APCDD1: variants seen among roughly 807,000 people sequenced by gnomAD.
APCDD1 encodes the protein APC down-regulated 1.
A neutral mutation model predicts 38.1 loss-of-function variants in APCDD1; 15 were observed. That is an observed-to-expected ratio of 0.39 (90% CI 0.26 to 0.61). The LOEUF (loss-of-function observed/expected upper bound fraction) is 0.61, where lower values mean the gene tolerates loss of function less well. APCDD1 is among the 20% of genes least tolerant of loss of function. The pLI, the probability that APCDD1 is intolerant of heterozygous loss-of-function variation, is 0.49. For missense variants in APCDD1, 647 were observed against 696.2 expected (o/e 0.93, Z 0.79); for synonymous variants, 261 against 279.7 (o/e 0.93, Z 0.67).
rs549103637 is a variant in APCDD1, at chr18:10,468,354, A to C, written c.59-115A>C. 4.4e-6 allele frequency: 5 copies of C among 1,128,610 alleles called. No homozygotes were observed. The South Asian group carries it at 6.2e-5, about 14-fold the overall frequency. The allele number at this position is 1,128,610 out of a possible 1,614,324, so 69.9% of individuals were successfully genotyped here. On this transcript the variant is annotated intron_variant, in intron 1 of 4. Transcript: ENST00000355285. ...CACGCACTGTGATGACACCTTGTAG[A>C]ATAAACAATCATTTCCCACCTTCAG...
At chr18:10,456,639 T>C (rs992061974) in intron 1 of APCDD1, among the ~76,000 whole-genome samples, 1 of 152,240 alleles carries the variant, frequency 6.6e-6, no homozygotes. Flanking sequence ...AAGGTAACTC[T>C]GAACATGTTC....
At chr18:10,468,289 A>G (rs1239121460) in intron 1 of APCDD1, among the ~76,000 whole-genome samples, 180 bp from the exon 2 acceptor site, 1 of 152,210 alleles carries the variant, frequency 6.6e-6, no homozygotes. Flanking sequence ...TTGATCTACA[A>G]TGACACTTGC....
At position 10,470,442 on chromosome 18, in the gene APCDD1, CT is replaced by C. The variant is rs2030824100; in HGVS notation, c.243-1087del. 6.6e-6 allele frequency among the ~76,000 whole-genome samples: 1 copy of C among 152,146 alleles called. No individual in the cohort carries two copies. The highest frequency in any genetic ancestry group is 6.5e-5 in the Admixed American group (1 of 15,280). ...CAAACGTTACATAGCAACGGTACCC[CT>C]GTCTAAATAATGCTTATCTTTCACC... On this transcript the variant is annotated intron_variant, in intron 2 of 4. Transcript: ENST00000355285. This position sits in a 1 kb window ranked among gnomAD's most constrained non-coding sequence, Gnocchi z 4.1.
At position 10,470,489 on chromosome 18, in the gene APCDD1, A is replaced by T. The variant is rs1256630976; in HGVS notation, c.243-1041A>T. On this transcript the variant is annotated intron_variant, in intron 2 of 4. Coordinates refer to ENST00000355285, the MANE Select transcript of APCDD1 (RefSeq NM_153000.5). This position sits in a 1 kb window ranked among gnomAD's most constrained non-coding sequence, Gnocchi z 4.1. ...TCACCAGTCCATCAATGAGCAAATT[A>T]AAATGTTAGCAATTTTGAAAACCAC... Among the ~76,000 whole-genome samples the T allele has an allele frequency of 6.6e-6, 1 of 152,252 alleles. No homozygotes were observed. Among genetic ancestry groups the T allele is most frequent in the Non-Finnish European group, 1.5e-5 (1 of 68,040 alleles).
At chr18:10,456,708 G>A (rs1156287466) in intron 1 of APCDD1, among the ~76,000 whole-genome samples, 4 of 152,134 alleles carry the variant, frequency 2.6e-5, no homozygotes. Flanking sequence ...TCCAAGCTGG[G>A]GTAGTAATGG....
Position 10,471,823 on chromosome 18 carries a change from G to T in APCDD1, c.536G>T (p.Gly179Val). 2.5e-6 allele frequency: 4 copies of T among 1,613,984 alleles called. No homozygotes were observed. The highest frequency in any genetic ancestry group is 1.1e-5 in the South Asian group (1 of 91,088). Residue 179 changes from glycine (G) to valine (V), a missense_variant, in exon 3 of 5, where the codon GGT becomes GTT. Physicochemically the swap from Gly to Val is moderately radical, Grantham distance 109. Coordinates refer to ENST00000355285, the MANE Select transcript of APCDD1 (RefSeq NM_153000.5). The surrounding 1 kb of genome is among the most constrained non-coding windows in gnomAD (Gnocchi z 5.5). ...TGCCCGGGCTTCCTCGCAGACGGGG[G>T]TCCCTGGGTGCAGGACGTGGCCTAT... Reference protein sequence around the residue: ...RTCPGFLADGGPWVQDVAYDL... With the variant: ...RTCPGFLADGVPWVQDVAYDL...
rs1187323670 is a variant in APCDD1, at chr18:10,475,131, T to C, written c.774+3070T>C. On this transcript the variant is annotated intron_variant, in intron 3 of 4. Transcript: ENST00000355285. This position sits in a 1 kb window ranked among gnomAD's most constrained non-coding sequence, Gnocchi z 4.0. ...CCTGAATGCAAAGCTCCATCTCTCT[T>C]AACCTAGAGTAAGTCGCCCTTCTGG... is the stretch of plus-strand genomic sequence containing the variant. Among the ~76,000 whole-genome samples the C allele has an allele frequency of 6.6e-6, 1 of 152,340 alleles. No individual in the cohort carries two copies. Among genetic ancestry groups the C allele is most frequent in the East Asian group, 1.9e-4 (1 of 5,178 alleles).
chr18:10,455,074 C>T (rs769004868), intron 1 of APCDD1, 35 bp downstream of exon 1: 3 of 1,549,928 alleles, frequency 1.9e-6, no homozygotes, highest in African/African-American at 1.4e-5. Flanking sequence ...CGCTCCCAGC[C>T]GGCGGAGGCA....
Position 10,471,854 on chromosome 18 carries a change from C to T in APCDD1, c.567C>T (p.Leu189=), listed in dbSNP as rs1437695142. The stretch of plus-strand genomic sequence containing the variant: ...GGGTGCAGGACGTGGCCTATGACCT[C>T]TGGCGAGAGGAGAACGGCTGTGAGT... ...GPWVQDVAYD[L]WREENGCECT... The change falls in exon 3 of 5, where the codon CTC becomes CTT. Residue 189 remains leucine (L), a synonymous_variant. Coordinates refer to ENST00000355285, the MANE Select transcript of APCDD1 (RefSeq NM_153000.5). The surrounding 1 kb of genome is among the most constrained non-coding windows in gnomAD (Gnocchi z 5.5). The T allele has an allele frequency of 1.2e-6, 2 of 1,614,216 alleles. No individual in the cohort carries two copies. The highest frequency in any genetic ancestry group is 1.7e-6 in the Non-Finnish European group (2 of 1,180,054).
rs540355594 is a variant in APCDD1, at chr18:10,475,321, T to C, written c.774+3260T>C. On this transcript the variant is annotated intron_variant, in intron 3 of 4. Coordinates refer to ENST00000355285, the MANE Select transcript of APCDD1 (RefSeq NM_153000.5). This position sits in a 1 kb window ranked among gnomAD's most constrained non-coding sequence, Gnocchi z 4.0. ...CCAGATTCTTAAGAAATAGACTCTT[T>C]AAATCCCAGGCCTGATTCCTTGATG... 1.3e-5 allele frequency among the ~76,000 whole-genome samples: 2 copies of C among 152,332 alleles called. No individual in the cohort carries two copies. Among genetic ancestry groups the C allele is most frequent in the African/African-American group, 4.8e-5 (2 of 41,582 alleles).
chr18:10,454,812 G>GC lies in APCDD1; in HGVS notation c.-166dup, dbSNP rs1211066431. The GC allele has an allele frequency of 4.1e-6, 4 of 984,146 alleles. No homozygotes were observed. The highest frequency in any genetic ancestry group is 4.8e-6 in the Non-Finnish European group (4 of 830,808). 61.0% of individuals were successfully genotyped at this position (984,146 alleles called of 1,614,324 possible). A position where few individuals can be genotyped will look rare whatever the true frequency, so the allele number is the denominator to read the frequency against. ...GCCCGACGGCGCCCAGAGAGCGCGC[G>GC]CCCCGCAGCCCCGCGCCTAGCCCGC... On this transcript the variant is annotated 5_prime_UTR_variant, in exon 1 of 5. Transcript: ENST00000355285.
Position 10,487,673 on chromosome 18 carries a change from G to A in APCDD1, c.1180G>A (p.Gly394Ser). ...CAACGGGAATGAGTGCGGGGCCGAG[G>A]GCTCCTGGCAGGTGGGCATCCAGCA... is the stretch of plus-strand genomic sequence containing the variant. ...VFNGNECGAE[G>S]SWQVGIQQDV... Residue 394 changes from glycine (G) to serine (S), a missense_variant, in exon 5 of 5, where the codon GGC becomes AGC. Coordinates refer to ENST00000355285, the MANE Select transcript of APCDD1 (RefSeq NM_153000.5). 1 of 1,614,166 alleles carries A rather than the reference G, an allele frequency of 6.2e-7. No homozygotes were observed. Among genetic ancestry groups the A allele is most frequent in the Non-Finnish European group, 8.5e-7 (1 of 1,180,044 alleles).
At chr18:10,465,480 G>A (rs901675411) in intron 1 of APCDD1, among the ~76,000 whole-genome samples, 1 of 152,224 alleles carries the variant, frequency 6.6e-6, no homozygotes, top group Non-Finnish European at 1.5e-5. Context: ...TTCTAATAGA[G>A]CAGTGGAGTG....
At chr18:10,468,810 T>C (rs1182512716) in intron 2 of APCDD1, among the ~76,000 whole-genome samples, 158 bp downstream of exon 2, 1 of 152,246 alleles carries the variant, frequency 6.6e-6, no homozygotes, top group Non-Finnish European at 1.5e-5. Context: ...GAAATTATGG[T>C]TGGTTAAGAA....
At chr18:10,478,871 A>G (rs1288504219) in intron 3 of APCDD1, among the ~76,000 whole-genome samples, 1 of 152,166 alleles carries the variant, frequency 6.6e-6, no homozygotes, top group African/African-American at 2.4e-5. Context: ...AAGCTCCTAG[A>G]ATCCCAGATA....
intron 1 of APCDD1, among the ~76,000 whole-genome samples, chr18:10,464,939 T>C (rs1332236665): frequency 6.6e-6 from 1 of 152,192 alleles, no homozygotes; most frequent in African/African-American, 2.4e-5. Context: ...GGGGACTTTT[T>C]GAGGGTGGTC....
Position 10,487,692 on chromosome 18 carries a change from T to C in APCDD1, c.1199T>C (p.Ile400Thr), listed in dbSNP as rs1241194560. 6.2e-7 allele frequency: 1 copy of C among 1,614,062 alleles called. No homozygotes were observed. The highest frequency in any genetic ancestry group is 1.3e-5 in the African/African-American group (1 of 74,934). Residue 400 changes from isoleucine (I) to threonine (T), a missense_variant, in exon 5 of 5, where the codon ATC (isoleucine) becomes ACC (threonine). Physicochemically the swap from Ile to Thr is moderately conservative, Grantham distance 89. Coordinates refer to ENST00000355285, the MANE Select transcript of APCDD1 (RefSeq NM_153000.5). ...GCCGAGGGCTCCTGGCAGGTGGGCA[T>C]CCAGCAGGATGTGACCCACACCAAT... The part of the protein sequence containing the change: ...CGAEGSWQVG[I>T]QQDVTHTNGC...
intron 3 of APCDD1, among the ~76,000 whole-genome samples, chr18:10,483,423 C>CT (rs1308124928): frequency 6.6e-6 from 1 of 152,238 alleles, no homozygotes; most frequent in Non-Finnish European, 1.5e-5. Flanking sequence ...ATCCAATTGT[C>CT]TACAAGCCAC....
rs549800578 is a variant in APCDD1 at position 10,472,041 on chromosome 18, C to T, written c.754C>T (p.Pro252Ser). ...GTTCTACCGGCCCTCCAGTTACCAG[C>T]CCCCTCTGCAGAATGCCAAGGTACC... ...RMFYRPSSYQ[P>S]PLQNAKNHDH... is the part of the protein sequence containing the mutation. Residue 252 changes from proline (P) to serine (S), a missense_variant, in exon 3 of 5, where the codon CCC becomes TCC. Pro to Ser is a moderately conservative substitution (Grantham distance 74, BLOSUM62 -1). Coordinates refer to ENST00000355285, the MANE Select transcript of APCDD1 (RefSeq NM_153000.5). This position sits in a 1 kb window ranked among gnomAD's most constrained non-coding sequence, Gnocchi z 6.6. 4.3e-6 allele frequency: 7 copies of T among 1,613,630 alleles called. No homozygotes were observed. The East Asian group carries it at 8.9e-5, about 21-fold the overall frequency.
Sources: allele counts gnomAD v4.1 joint callset (sites outside exome capture counted in the v4.1 genomes callset), GRCh38; gene constraint gnomAD v4.1.1; non-coding constraint Gnocchi (gnomAD v3.1); transcripts MANE v1.5; gene names NCBI Gene and HGNC (gene_info 2026-07-23, HGNC 2026-07-21).